The following DPP6 variants were observed in gnomAD, a reference collection of about 807,000 sequenced individuals.
The protein encoded by DPP6 is dipeptidyl peptidase like 6, also known as A-type potassium channel modulatory protein DPP6.
Under a neutral mutation model 122.6 loss-of-function variants are expected in DPP6, and 69 were observed. The ratio of observed to expected loss-of-function variants is 0.56; its 90% CI spans 0.46 to 0.69. The LOEUF is 0.69. Ranked by LOEUF, DPP6 falls within the 30% of genes least tolerant of loss-of-function variation. The pLI, the probability that DPP6 is intolerant of heterozygous loss-of-function variation, is 0.00. For missense variants in DPP6, 928 were observed against 1,116.9 expected (o/e 0.83, Z 2.41); for synonymous variants, 418 against 433.1 (o/e 0.97, Z 0.43).
intron 1 of DPP6, among the ~76,000 whole-genome samples, chr7:154,314,314 CTA>C (rs2151004949): frequency 6.6e-6 from 1 of 152,312 alleles, no homozygotes; most frequent in South Asian, 2.1e-4. Context: ...AGATTTCAAA[CTA>C]TTGTTCAGTG....
intron 10 of DPP6, 64 bp from the exon 11 acceptor site, chr7:154,794,015 G>T: frequency 6.4e-7 from 1 of 1,568,938 alleles, no homozygotes; most frequent in South Asian, 1.2e-5. Flanking sequence ...GGGGTCGGCG[G>T]TCCCCTGGCT....
At chr7:154,074,484 C>G (rs183023292) in intron 1 of DPP6, among the ~76,000 whole-genome samples, 8 of 152,108 alleles carry the variant, frequency 5.3e-5, no homozygotes, top group Non-Finnish European at 1.0e-4. Flanking sequence ...AATCAGTGGA[C>G]CAAACAGAAA....
At chr7:154,733,597 G>C (rs73498026) in intron 8 of DPP6, among the ~76,000 whole-genome samples, 1,790 of 152,344 alleles carry the variant, frequency 0.012, 36 homozygotes, top group African/African-American at 0.04. Context: ...AATTTTGGGG[G>C]TGGGGCAATT....
intron 1 of DPP6, among the ~76,000 whole-genome samples, chr7:154,116,665 G>A (rs183340541): frequency 8.9e-4 from 135 of 152,242 alleles, no homozygotes; most frequent in Admixed American, 2.8e-3. Flanking sequence ...TTACAGAGTA[G>A]TTGTTTCTCC....
At chr7:154,822,404 A>G (rs1243367346) in intron 16 of DPP6, among the ~76,000 whole-genome samples, 3 of 152,090 alleles carry the variant, frequency 2.0e-5, no homozygotes, top group African/African-American at 2.4e-5. Flanking sequence ...GGCCTTTTTT[A>G]TTAAAACCCT....
intron 5 of DPP6, among the ~76,000 whole-genome samples, chr7:154,633,119 C>T (rs1291991953): frequency 6.6e-6 from 1 of 152,154 alleles, no homozygotes; most frequent in African/African-American, 2.4e-5. Context: ...TCATGAACTT[C>T]TAAAAAATGG....
chr7:154,006,560 C>T (rs1797920680), intron 1 of DPP6, among the ~76,000 whole-genome samples: 2 of 152,184 alleles, frequency 1.3e-5, no homozygotes, highest in Non-Finnish European at 2.9e-5. Context: ...AATTCGATCA[C>T]TAGGGTAGGC....
At chr7:154,242,150 C>G (rs1189901686) in intron 1 of DPP6, among the ~76,000 whole-genome samples, 1 of 152,190 alleles carries the variant, frequency 6.6e-6, no homozygotes, top group African/African-American at 2.4e-5. Flanking sequence ...GTGCATACCC[C>G]CGACTGGCAC....
At chr7:153,964,889 C>T (rs541265262) in intron 1 of DPP6, among the ~76,000 whole-genome samples, 5 of 131,798 alleles carry the variant, frequency 3.8e-5, no homozygotes, top group African/African-American at 1.0e-4. Flanking sequence ...TTCTTTCTTC[C>T]CTTTCTTTCC....
At chr7:154,637,964 G>A (rs1280546598) in intron 6 of DPP6, 91 bp downstream of exon 6, 22 of 1,399,860 alleles carry the variant, frequency 1.6e-5, no homozygotes, top group Non-Finnish European at 2.1e-5. Flanking sequence ...CTTAGGGCGG[G>A]AAATGGCGTT....
At chr7:154,123,029 G>C (rs577874908) in intron 1 of DPP6, among the ~76,000 whole-genome samples, 4 of 152,086 alleles carry the variant, frequency 2.6e-5, no homozygotes, top group African/African-American at 7.2e-5. Context: ...TTTTCTGTCC[G>C]AAAAATCAGA....
chr7:153,850,340 G>GGGTC, the DPP6 span, among the ~76,000 whole-genome samples: 2 of 152,088 alleles, frequency 1.3e-5, no homozygotes, highest in African/African-American at 4.8e-5. Flanking sequence ...ATTGGCTGGG[G>GGGTC]GGTCACCTTC....
At chr7:154,803,593 T>C (rs1376029574) in intron 13 of DPP6, among the ~76,000 whole-genome samples, 7 of 152,146 alleles carry the variant, frequency 4.6e-5, no homozygotes, top group Admixed American at 3.9e-4. Context: ...GGAGGCCAGG[T>C]CCAAGTGATT....
the DPP6 span, among the ~76,000 whole-genome samples, chr7:153,820,697 A>C: frequency 1.3e-5 from 2 of 152,292 alleles, no homozygotes; most frequent in African/African-American, 4.8e-5. Context: ...GAAAAAAGAA[A>C]ATCAGTTTGG....
chr7:153,771,976 CT>C, the DPP6 span, among the ~76,000 whole-genome samples: 1 of 152,076 alleles, frequency 6.6e-6, no homozygotes, highest in Non-Finnish European at 1.5e-5. Context: ...AAAATTTTAG[CT>C]CTATAGTGTA....
intron 7 of DPP6, among the ~76,000 whole-genome samples, chr7:154,680,305 C>T (rs1459887886): frequency 2.6e-5 from 4 of 152,122 alleles, no homozygotes; most frequent in Non-Finnish European, 4.4e-5. Context: ...CATTCCTATA[C>T]AAGATCACAG....
At chr7:154,715,451 A>G (rs1341554168) in intron 7 of DPP6, among the ~76,000 whole-genome samples, 2 of 152,340 alleles carry the variant, frequency 1.3e-5, no homozygotes, top group East Asian at 1.9e-4. Flanking sequence ...TTTTCAGACA[A>G]GGAATCACAC....
intron 1 of DPP6, among the ~76,000 whole-genome samples, chr7:153,902,804 C>T (rs1452225931): frequency 2.0e-5 from 3 of 151,960 alleles, no homozygotes; most frequent in African/African-American, 4.8e-5. Context: ...CCATTGCACT[C>T]CAGCCTGGGT....
intron 1 of DPP6, among the ~76,000 whole-genome samples, chr7:153,998,618 ACACT>A (rs1797551268): frequency 6.6e-6 from 1 of 152,184 alleles, no homozygotes; most frequent in South Asian, 2.1e-4. Flanking sequence ...AACCAACTAA[ACACT>A]CACCTGTAAT....
Sources: allele counts gnomAD v4.1 joint callset (sites outside exome capture counted in the v4.1 genomes callset), GRCh38; gene constraint gnomAD v4.1.1; transcripts MANE v1.5; gene names NCBI Gene and HGNC (gene_info 2026-07-23, HGNC 2026-07-21).